BIN2: variants seen among roughly 807,000 people sequenced by gnomAD.
BIN2 encodes bridging integrator 2.
Under a neutral mutation model 67.9 loss-of-function variants are expected in BIN2, and 43 were observed. The observed-to-expected ratio is 0.63, with a 90% confidence interval of 0.50 to 0.82. The LOEUF (loss-of-function observed/expected upper bound fraction) is 0.82. Ranked by LOEUF, BIN2 falls within the 40% of genes least tolerant of loss-of-function variation. BIN2 has a pLI of 0.00. For synonymous variants in BIN2, 244 were observed against 246.8 expected (o/e 0.99, Z 0.11); for missense variants, 581 against 671.6 (o/e 0.87, Z 1.49).
At chr12:51,312,314 A>G (rs979156221) in intron 2 of BIN2, among the ~76,000 whole-genome samples, 3 of 152,204 alleles carry the variant, frequency 2.0e-5, no homozygotes, top group Admixed American at 1.3e-4. Flanking sequence ...TGCCTGTTCA[A>G]CCTTGGACTG....
intron 11 of BIN2, among the ~76,000 whole-genome samples, chr12:51,287,274 C>G (rs1945261816): frequency 6.6e-6 from 1 of 152,072 alleles, no homozygotes. Flanking sequence ...CCTCAGCATC[C>G]TGAGTAGCTG....
At chr12:51,292,832 T>A (rs1945426302) in intron 9 of BIN2, among the ~76,000 whole-genome samples, 1 of 152,158 alleles carries the variant, frequency 6.6e-6, no homozygotes, top group Non-Finnish European at 1.5e-5. Context: ...TGTAAACAAA[T>A]GTCCTTTCCA....
At chr12:51,301,124 G>A (rs1222078452) in intron 5 of BIN2, among the ~76,000 whole-genome samples, 3 of 152,000 alleles carry the variant, frequency 2.0e-5, no homozygotes, top group South Asian at 2.1e-4. Context: ...AGGCTGAGGC[G>A]GGAGAATCCC....
chr12:51,303,216 A>G, intron 2 of BIN2, 75 bp from the exon 3 acceptor site: 7 of 1,447,914 alleles, frequency 4.8e-6, no homozygotes, highest in East Asian at 2.3e-5. Flanking sequence ...AAAGTCAAAA[A>G]GTAGGTTAAG....
intron 10 of BIN2, among the ~76,000 whole-genome samples, chr12:51,289,206 T>A (rs12227330): frequency 0.91 from 138,089 of 152,016 alleles, 64,201 homozygotes; most frequent in East Asian, 1. Context: ...TCTTGTATTG[T>A]TCCAAAATGT....
chr12:51,302,578 G>T, intron 4 of BIN2, 108 bp downstream of exon 4: 1 of 929,320 alleles, frequency 1.1e-6, no homozygotes, highest in Admixed American at 1.9e-5. Context: ...TGCACAGTGT[G>T]AACTGGCTCC....
At chr12:51,303,657 G>T (rs955215058) in intron 2 of BIN2, among the ~76,000 whole-genome samples, 1 of 152,090 alleles carries the variant, frequency 6.6e-6, no homozygotes, top group Admixed American at 6.6e-5. Flanking sequence ...GTTCCACCCC[G>T]AATGTCTTCA....
chr12:51,323,931 G>T lies in BIN2; in HGVS notation c.81+91C>A. Reference sequence around the variant, plus strand: ...TCAGCCCAGACCCTTCGGGGCCCCTGAGCACCCTGCCCGCCCCTCCTGCCC... The same window carrying T: ...TCAGCCCAGACCCTTCGGGGCCCCTTAGCACCCTGCCCGCCCCTCCTGCCC... On this transcript the variant is annotated intron_variant, in intron 1 of 12. Transcript: ENST00000615107. 3 of 1,529,586 alleles carry T rather than the reference G, an allele frequency of 2.0e-6. No individual in the cohort carries two copies. The South Asian group carries it at 3.7e-5, about 19-fold the overall frequency. 94.8% of individuals were successfully genotyped at this position (1,529,586 alleles called of 1,614,324 possible).
At position 51,281,196 on chromosome 12, in the gene BIN2, T is replaced by C. The variant is rs546244708; in HGVS notation, c.*303A>G. 2.0e-4 allele frequency: 78 copies of C among 399,534 alleles called. 1 individual carries two copies. The South Asian group carries it at 3.0e-3, about 16-fold the overall frequency. 24.7% of individuals were successfully genotyped at this position (399,534 alleles called of 1,614,324 possible). ...CAAGTGTCTGTGTCTATAGATACTT[T>C]TGCTTTTTATAGTGATTAAAGCTCC... On this transcript the variant is annotated 3_prime_UTR_variant, in exon 13 of 13. Transcript: ENST00000615107.
At chr12:51,324,214 AGCCACCTCAG>A, upstream of BIN2, 1 of 1,491,592 alleles carries the variant, frequency 6.7e-7, no homozygotes, top group South Asian at 1.3e-5. Context: ...CCCAGCCCTG[AGCCACCTCAG>A]GCCGCCCCTG....
chr12:51,305,351 C>G (rs575373169), intron 2 of BIN2, among the ~76,000 whole-genome samples: 1 of 151,534 alleles, frequency 6.6e-6, no homozygotes, highest in African/African-American at 2.4e-5. Context: ...AAAGGCTGGG[C>G]GCAGTGGCTC....
intron 1 of BIN2, among the ~76,000 whole-genome samples, chr12:51,319,117 G>T (rs1946203283): frequency 1.3e-5 from 2 of 152,080 alleles, no homozygotes; most frequent in African/African-American, 2.4e-5. Context: ...CCCTTCCTTT[G>T]TCCCTAATTT....
At chr12:51,321,619 G>A (rs968329479) in intron 1 of BIN2, among the ~76,000 whole-genome samples, 2 of 152,058 alleles carry the variant, frequency 1.3e-5, no homozygotes, top group Non-Finnish European at 2.9e-5. Flanking sequence ...GGCTGGTCTC[G>A]AACTCCCGAC....
chr12:51,281,421 A>C lies in BIN2; in HGVS notation c.*78T>G, dbSNP rs756057224. Reference sequence around the variant, plus strand: ...CCCAGGGATGGATGCTGGCTCTTATATCCCTCTGACCTATACCCTCTGGTT... The same window carrying C: ...CCCAGGGATGGATGCTGGCTCTTATCTCCCTCTGACCTATACCCTCTGGTT... On this transcript the variant is annotated 3_prime_UTR_variant, in exon 13 of 13. Coordinates refer to ENST00000615107, the MANE Select transcript of BIN2 (RefSeq NM_016293.4). 13 of 1,461,160 alleles carry C rather than the reference A, an allele frequency of 8.9e-6. No homozygotes were observed. The South Asian group carries it at 1.4e-4, about 15-fold the overall frequency. 90.5% of individuals were successfully genotyped at this position (1,461,160 alleles called of 1,614,324 possible). A position where few individuals can be genotyped will look rare whatever the true frequency, so the allele number is the denominator to read the frequency against.
At chr12:51,283,182 A>G (rs1045103404) in intron 12 of BIN2, among the ~76,000 whole-genome samples, 5 of 150,766 alleles carry the variant, frequency 3.3e-5, no homozygotes, top group African/African-American at 7.3e-5. Context: ...GCTTGAACCC[A>G]GGAGGCGGAG....
intron 2 of BIN2, among the ~76,000 whole-genome samples, chr12:51,306,403 G>A (rs61022955): frequency 0.21 from 31,743 of 152,146 alleles, 4,002 homozygotes; most frequent in Middle Eastern, 0.32. Flanking sequence ...GAGGTAGGCA[G>A]ATCACTTGAG....
At chr12:51,309,939 C>T (rs899167796) in intron 2 of BIN2, among the ~76,000 whole-genome samples, 8 of 152,142 alleles carry the variant, frequency 5.3e-5, no homozygotes, top group African/African-American at 1.9e-4. Flanking sequence ...TTCTTCTTTT[C>T]AACCTGGAGT....
At chr12:51,302,360 C>A in intron 4 of BIN2, 1 of 532,296 alleles carries the variant, frequency 1.9e-6, no homozygotes, top group Admixed American at 3.3e-5. Context: ...GCCTTGGACT[C>A]CAGAGCTTAG....
At chr12:51,295,235 AT>A (rs35074017) in intron 9 of BIN2, among the ~76,000 whole-genome samples, 54,787 of 151,316 alleles carry the variant, frequency 0.36, 10,595 homozygotes, top group Middle Eastern at 0.54. Flanking sequence ...ATGAGCCACC[AT>A]TGTCTGGCCT....
Sources: allele counts gnomAD v4.1 joint callset (sites outside exome capture counted in the v4.1 genomes callset), GRCh38; gene constraint gnomAD v4.1.1; transcripts MANE v1.5; gene names NCBI Gene and HGNC (gene_info 2026-07-23, HGNC 2026-07-21).